Variants in BCAS1 observed in about 807,000 individuals in gnomAD.
BCAS1 encodes the protein breast carcinoma-amplified sequence 1.
A neutral mutation model predicts 65.4 loss-of-function variants in BCAS1; 46 were observed. The ratio of observed to expected loss-of-function variants is 0.70; its 90% CI spans 0.55 to 0.90. BCAS1 has a LOEUF of 0.90. BCAS1 is among the 40% of genes least tolerant of loss of function. BCAS1 has a pLI of 0.00. For synonymous variants in BCAS1, 298 were observed against 293.5 expected (o/e 1.02, Z -0.16); for missense variants, 793 against 771.2 (o/e 1.03, Z -0.33).
At chr20:54,005,109 T>C (rs73133414) in intron 4 of BCAS1, among the ~76,000 whole-genome samples, 4,832 of 152,276 alleles carry the variant, frequency 0.032, 104 homozygotes, top group Middle Eastern at 0.099. Flanking sequence ...TCCTAGATGC[T>C]TGGAGCCTTA....
At chr20:53,960,118 AAAAC>A (rs1218346669) in intron 10 of BCAS1, among the ~76,000 whole-genome samples, 2 of 152,172 alleles carry the variant, frequency 1.3e-5, no homozygotes, top group African/African-American at 2.4e-5. Flanking sequence ...TGAGCAGCAA[AAAAC>A]AAACAAATGC....
chr20:54,064,879 C>G (rs1246678226), intron 1 of BCAS1, among the ~76,000 whole-genome samples: 1 of 148,054 alleles, frequency 6.8e-6, no homozygotes, highest in Non-Finnish European at 1.5e-5. Context: ...GTCCTCCCAA[C>G]AACTCTCTGA....
At chr20:54,067,762 G>A (rs103926) in intron 1 of BCAS1, among the ~76,000 whole-genome samples, 76,005 of 152,068 alleles carry the variant, frequency 0.5, 20,668 homozygotes, top group East Asian at 0.6. Context: ...TGTTGAATGG[G>A]AGGGGGGGTG....
At chr20:54,055,875 A>T (rs2092289976) in intron 3 of BCAS1, among the ~76,000 whole-genome samples, 1 of 152,180 alleles carries the variant, frequency 6.6e-6, no homozygotes, top group Non-Finnish European at 1.5e-5. Flanking sequence ...AGAAGGAAAT[A>T]TTGGCATTTG....
chr20:53,978,210 G>A (rs1393904087), intron 8 of BCAS1, among the ~76,000 whole-genome samples: 1 of 151,934 alleles, frequency 6.6e-6, no homozygotes, highest in Non-Finnish European at 1.5e-5. Context: ...GGACATGGAT[G>A]AAATTGGAAA....
At chr20:53,974,920 C>G (rs1453989160) in intron 9 of BCAS1, among the ~76,000 whole-genome samples, 1 of 152,188 alleles carries the variant, frequency 6.6e-6, no homozygotes, top group Non-Finnish European at 1.5e-5. Flanking sequence ...AGCGCTCTAA[C>G]CTGAGACCGA....
intron 1 of BCAS1, among the ~76,000 whole-genome samples, chr20:54,065,475 G>A (rs868717871): frequency 2.2e-4 from 33 of 152,166 alleles, no homozygotes; most frequent in African/African-American, 7.7e-4. Context: ...TTTGGGGGGC[G>A]TGCACTGGTA....
rs377001062 is a variant in BCAS1, at chr20:53,957,532, A to G, written c.1486-35T>C. ...CAAACAGACAATGGCCTTCAGCCAC[A>G]AGTACAGTGACGTGGAGAATGCAAG... On this transcript the variant is annotated intron_variant, in intron 10 of 12. Transcript: ENST00000688948. The G allele has an allele frequency of 2.8e-4, 438 of 1,581,574 alleles. 1 individual carries two copies. Among genetic ancestry groups the G allele is most frequent in the Non-Finnish European group, 3.5e-4 (397 of 1,150,534 alleles).
intron 3 of BCAS1, among the ~76,000 whole-genome samples, chr20:54,044,811 T>G (rs1377187374): frequency 6.8e-6 from 1 of 147,442 alleles, no homozygotes; most frequent in Non-Finnish European, 1.5e-5. Flanking sequence ...GCACTCCAGC[T>G]TGGGCAGCGG....
chr20:54,061,331 T>C (rs2092374569), intron 1 of BCAS1, among the ~76,000 whole-genome samples: 2 of 152,136 alleles, frequency 1.3e-5, no homozygotes, highest in South Asian at 2.1e-4. Flanking sequence ...CAGTGAGGAA[T>C]TGACTCCTAG....
intron 3 of BCAS1, among the ~76,000 whole-genome samples, chr20:54,030,266 A>G (rs2091770163): frequency 6.6e-6 from 1 of 152,246 alleles, no homozygotes; most frequent in South Asian, 2.1e-4. Flanking sequence ...GCTGTGTGAT[A>G]TGGAGTAAAT....
chr20:54,055,070 G>C (rs1257390138), intron 3 of BCAS1, among the ~76,000 whole-genome samples: 1 of 152,106 alleles, frequency 6.6e-6, no homozygotes, highest in Non-Finnish European at 1.5e-5. Context: ...TGGAGAGAAG[G>C]ATAGAGAAGA....
intron 4 of BCAS1, among the ~76,000 whole-genome samples, chr20:54,018,738 T>G (rs1193498175): frequency 3.3e-5 from 5 of 152,180 alleles, no homozygotes; most frequent in Non-Finnish European, 7.3e-5. Context: ...ATAAGTGCTA[T>G]GAAGGATGAA....
chr20:54,032,385 A>T (rs1025247817), intron 3 of BCAS1, among the ~76,000 whole-genome samples: 3 of 151,440 alleles, frequency 2.0e-5, no homozygotes, highest in African/African-American at 7.3e-5. Context: ...TGAAGTACAC[A>T]GACCAGTGAC....
chr20:53,979,871 G>T (rs941176437), intron 8 of BCAS1, among the ~76,000 whole-genome samples: 2 of 152,234 alleles, frequency 1.3e-5, no homozygotes, highest in African/African-American at 4.8e-5. Flanking sequence ...TATAAATGTT[G>T]GGAAGAAATG....
intron 8 of BCAS1, among the ~76,000 whole-genome samples, chr20:53,981,916 G>A (rs2090492620): frequency 6.6e-6 from 1 of 152,038 alleles, no homozygotes. Context: ...TTGTACTTAG[G>A]TGGTGTTAAC....
chr20:54,012,187 TG>T (rs1310647497), intron 4 of BCAS1, among the ~76,000 whole-genome samples: 2 of 152,292 alleles, frequency 1.3e-5, no homozygotes, highest in East Asian at 3.9e-4. Flanking sequence ...ATAGCATTCT[TG>T]AAATAATAAA....
intron 3 of BCAS1, among the ~76,000 whole-genome samples, chr20:54,039,207 C>T (rs904103068): frequency 6.6e-5 from 10 of 151,552 alleles, no homozygotes; most frequent in African/African-American, 2.4e-4. Context: ...GTGGCAGATA[C>T]TTATGACTTG....
chr20:54,050,852 A>G (rs1430420375), intron 3 of BCAS1, among the ~76,000 whole-genome samples: 5 of 152,238 alleles, frequency 3.3e-5, no homozygotes, highest in Admixed American at 3.3e-4. Context: ...ACTAAATCAC[A>G]TCAGCATTAG....
Sources: gnomAD v4.1 joint callset for allele counts (sites outside exome capture counted in the v4.1 genomes callset) on GRCh38, gnomAD v4.1.1 for gene constraint, MANE v1.5 for transcripts, NCBI Gene and HGNC (gene_info 2026-07-23, HGNC 2026-07-21) for gene names.